The following ATP13A3 variants were observed in gnomAD, a reference collection of about 807,000 sequenced individuals.
ATP13A3 encodes the protein ATPase 13A3.
ATP13A3 carries 59 observed loss-of-function variants against 158.1 expected under a neutral mutation model. That is an observed-to-expected ratio of 0.37 (90% CI 0.30 to 0.46). The LOEUF (loss-of-function observed/expected upper bound fraction) is 0.46, where lower values mean the gene tolerates loss of function less well. ATP13A3 is among the 20% of genes least tolerant of loss of function. The probability of loss-of-function intolerance (pLI) is 1.00; values close to 1 mark genes in which losing one functional copy is unlikely to be tolerated. For missense variants in ATP13A3, 1,166 were observed against 1,525.2 expected (o/e 0.76, Z 3.92); for synonymous variants, 491 against 504.3 (o/e 0.97, Z 0.35).
intron 2 of ATP13A3, chr3:194,468,287 G>A (rs1720113720): frequency 6.6e-6 from 1 of 151,168 alleles, no homozygotes; most frequent in Non-Finnish European, 1.5e-5. Flanking sequence ...GTGCATGCCT[G>A]AGTCTTGATG....
At chr3:194,414,899 G>A (rs1225137331) in intron 31 of ATP13A3, among the ~76,000 whole-genome samples, 1 of 152,210 alleles carries the variant, frequency 6.6e-6, no homozygotes, top group South Asian at 2.1e-4. Context: ...CTAAAGCTTA[G>A]TAGTGAGGTA....
chr3:194,483,151 GCACACACCCGT>G (rs1720822559), intron 2 of ATP13A3, among the ~76,000 whole-genome samples: 1 of 151,550 alleles, frequency 6.6e-6, no homozygotes, highest in Admixed American at 6.6e-5. Flanking sequence ...AGACATGATG[GCACACACCCGT>G]TGTCCCAACT....
intron 10 of ATP13A3, chr3:194,451,167 T>C (rs1288877225): frequency 6.6e-6 from 1 of 152,174 alleles, no homozygotes; most frequent in Non-Finnish European, 1.5e-5. Flanking sequence ...TCTTTCCTTT[T>C]TTTAAAAAAG....
intron 33 of ATP13A3, among the ~76,000 whole-genome samples, chr3:194,410,295 G>GAAA (rs1175574544): frequency 9.2e-3 from 21 of 2,280 alleles, no homozygotes; most frequent in Non-Finnish European, 0.058. Flanking sequence ...CCTCCTCTCT[G>GAAA]CAAAAAAAAA....
rs994047812 is a variant in ATP13A3, at chr3:194,405,384, T to G, written c.*535A>C. 6.5e-6 allele frequency: 1 copy of G among 153,976 alleles called. No individual in the cohort carries two copies. The highest frequency in any genetic ancestry group is 1.4e-5 in the Non-Finnish European group (1 of 69,288). 9.5% of individuals were successfully genotyped at this position (153,976 alleles called of 1,614,324 possible). Reference sequence around the variant, plus strand: ...CCTAACTCTAGACCATCATAGGGAATTGGCATATGTTTATACAGAATTCTT... The same window carrying G: ...CCTAACTCTAGACCATCATAGGGAAGTGGCATATGTTTATACAGAATTCTT... On this transcript the variant is annotated 3_prime_UTR_variant, in exon 34 of 34. Coordinates refer to ENST00000645319, the MANE Select transcript of ATP13A3 (RefSeq NM_001367549.1).
At chr3:194,418,811 A>G (rs1438539091) in intron 31 of ATP13A3, among the ~76,000 whole-genome samples, 2 of 152,226 alleles carry the variant, frequency 1.3e-5, no homozygotes, top group Admixed American at 6.5e-5. Flanking sequence ...TGCCAAGGGT[A>G]GTAGTGGAAG....
rs772499716 is a variant in ATP13A3, at chr3:194,430,191, T to G, written c.2668-10A>C. 3.1e-5 allele frequency: 50 copies of G among 1,613,602 alleles called. No homozygotes were observed. Among genetic ancestry groups the G allele is most frequent in the Admixed American group, 2.5e-4 (15 of 59,924 alleles). On this transcript the variant is annotated splice_polypyrimidine_tract_variant and intron_variant, in intron 25 of 33. Coordinates refer to ENST00000645319, the MANE Select transcript of ATP13A3 (RefSeq NM_001367549.1). ...GTGCCCTCTTCAAAGCCTAATAATT[T>G]TAAGAAAACTGGTTAAGTTTTGTGA...
At chr3:194,477,124 C>T (rs1720559473) in intron 2 of ATP13A3, among the ~76,000 whole-genome samples, 1 of 152,204 alleles carries the variant, frequency 6.6e-6, no homozygotes, top group Admixed American at 6.5e-5. Flanking sequence ...AATATTCCTT[C>T]TGCCAAGAAT....
chr3:194,455,383 C>A (rs1174561400), intron 8 of ATP13A3, among the ~76,000 whole-genome samples: 1 of 151,940 alleles, frequency 6.6e-6, no homozygotes, highest in African/African-American at 2.4e-5. Flanking sequence ...TACCTCAAAA[C>A]CAAATGAGAT....
At chr3:194,482,460 G>A (rs1351821809) in intron 2 of ATP13A3, among the ~76,000 whole-genome samples, 2 of 152,014 alleles carry the variant, frequency 1.3e-5, no homozygotes, top group Admixed American at 1.3e-4. Flanking sequence ...ATTAACTGTG[G>A]ACCTTCTTCT....
chr3:194,431,353 G>GGA, intron 22 of ATP13A3, 127 bp from the exon 23 acceptor site: 1 of 1,136,838 alleles, frequency 8.8e-7, no homozygotes, highest in Non-Finnish European at 1.2e-6. Context: ...GATGAAAGCC[G>GGA]GACATTTATT....
intron 8 of ATP13A3, among the ~76,000 whole-genome samples, chr3:194,454,781 A>G (rs549139950): frequency 6.6e-6 from 1 of 151,824 alleles, no homozygotes; most frequent in South Asian, 2.1e-4. Context: ...GTGAGCCGAG[A>G]TCGCGCCACT....
At chr3:194,418,004 G>GGAGA (rs1175376475) in intron 31 of ATP13A3, among the ~76,000 whole-genome samples, 1 of 135,432 alleles carries the variant, frequency 7.4e-6, no homozygotes, top group Non-Finnish European at 1.6e-5. Flanking sequence ...AGGGAGGGAG[G>GGAGA]GAGGAGAGGG....
chr3:194,410,277 T>C (rs1449598363), intron 33 of ATP13A3, among the ~76,000 whole-genome samples: 1 of 94,276 alleles, frequency 1.1e-5, no homozygotes, highest in African/African-American at 4.3e-5. Context: ...CCGGGCAACA[T>C]GGCAAAACCT....
chr3:194,467,439 T>C (rs948680556), intron 2 of ATP13A3, among the ~76,000 whole-genome samples: 3 of 152,196 alleles, frequency 2.0e-5, no homozygotes, highest in African/African-American at 7.2e-5. Context: ...CATTACTCTT[T>C]TTATGAGTGT....
At chr3:194,461,347 T>C (rs1719647321) in intron 3 of ATP13A3, among the ~76,000 whole-genome samples, 1 of 152,242 alleles carries the variant, frequency 6.6e-6, no homozygotes, top group Admixed American at 6.5e-5. Context: ...TTAACACTGC[T>C]GTATTACTAT....
intron 28 of ATP13A3, among the ~76,000 whole-genome samples, 155 bp from the exon 29 acceptor site, chr3:194,427,407 A>T (rs1433494248): frequency 6.6e-6 from 1 of 152,204 alleles, no homozygotes; most frequent in Non-Finnish European, 1.5e-5. Context: ...CATATCGTAC[A>T]TATTTAAATA....
chr3:194,432,091 C>T (rs111239548), intron 21 of ATP13A3, 199 bp from the exon 22 acceptor site: 9 of 465,008 alleles, frequency 1.9e-5, no homozygotes, highest in African/African-American at 1.0e-4. Flanking sequence ...AACGCAAGCA[C>T]GTTATATGCT....
intron 33 of ATP13A3, among the ~76,000 whole-genome samples, chr3:194,409,976 T>G (rs1715236970): frequency 6.6e-6 from 1 of 151,978 alleles, no homozygotes; most frequent in Non-Finnish European, 1.5e-5. Flanking sequence ...CTAAAGCCAG[T>G]AAGTTTTTAA....
Sources: allele counts gnomAD v4.1 joint callset (sites outside exome capture counted in the v4.1 genomes callset), GRCh38; gene constraint gnomAD v4.1.1; transcripts MANE v1.5; gene names NCBI Gene and HGNC (gene_info 2026-07-23, HGNC 2026-07-21).